The following LAMA3 variants were observed in gnomAD, a reference collection of about 807,000 sequenced individuals.
The protein encoded by LAMA3 is laminin subunit alpha-3.
In LAMA3, 281 loss-of-function variants were observed where a neutral mutation model predicts 402.0. The ratio of observed to expected loss-of-function variants is 0.70; its 90% CI spans 0.63 to 0.77. LAMA3 has a LOEUF of 0.77. LAMA3 is among the 30% of genes least tolerant of loss of function. The pLI is 0.00. For missense variants in LAMA3, 3,840 were observed against 4,215.5 expected, an observed-to-expected ratio of 0.91 and a Z score of 2.47; for synonymous variants, 1,431 against 1,558.4, an observed-to-expected ratio of 0.92 and a Z score of 1.93.
At chr18:23,813,200 A>C in intron 14 of LAMA3, 97 bp downstream of exon 14, 1 of 845,422 alleles carries the variant, frequency 1.2e-6, no homozygotes, top group Non-Finnish European at 2.0e-6. Flanking sequence ...AATTAAAATA[A>C]GACCCAAGGC....
intron 50 of LAMA3, 147 bp from the exon 51 acceptor site, chr18:23,904,406 C>A: frequency 1.0e-6 from 1 of 953,290 alleles, no homozygotes; most frequent in Non-Finnish European, 1.6e-6. Context: ...GAGACTCTGC[C>A]ATCTCTTTAT....
intron 2 of LAMA3, among the ~76,000 whole-genome samples, chr18:23,735,205 C>A (rs147252741): frequency 1.3e-5 from 2 of 152,300 alleles, no homozygotes; most frequent in Non-Finnish European, 2.9e-5. Flanking sequence ...CTACCCTGAA[C>A]CAAAGGTGGC....
intron 34 of LAMA3, among the ~76,000 whole-genome samples, chr18:23,860,806 G>A (rs987684071): frequency 3.0e-4 from 45 of 148,632 alleles, no homozygotes; most frequent in African/African-American, 1.1e-3. Flanking sequence ...CGATTCTTCT[G>A]CCTCAGGCTC....
In LAMA3 at chr18:23,714,153, T is replaced by TA. The variant is rs34200895; in HGVS notation, c.447+91dup. Reference sequence around the variant, plus strand: ...GGGATTTCTGATATAATAATTATTGTAAAAAAAAAACAAACTTCAGTTTTA... The same window carrying TA: ...GGGATTTCTGATATAATAATTATTGTAAAAAAAAAAACAAACTTCAGTTTTA... On this transcript the variant is annotated intron_variant, in intron 2 of 74. Coordinates refer to ENST00000313654, the MANE Select transcript of LAMA3 (RefSeq NM_198129.4). 2,307 of 1,173,922 alleles carry TA rather than the reference T, an allele frequency of 2.0e-3. 1 individual carries two copies. The highest frequency in any genetic ancestry group is 3.6e-3 in the East Asian group (133 of 36,798). The allele number at this position is 1,173,922 out of a possible 1,614,324, so 72.7% of individuals were successfully genotyped here.
chr18:23,942,033 C>A (rs2082539795), intron 68 of LAMA3, among the ~76,000 whole-genome samples: 2 of 152,128 alleles, frequency 1.3e-5, no homozygotes, highest in South Asian at 2.1e-4. Context: ...AAGAACATTG[C>A]CCTCAAGGAA....
intron 55 of LAMA3, 137 bp downstream of exon 55, chr18:23,909,432 TA>T (rs2081360779): frequency 1.2e-6 from 1 of 813,134 alleles, no homozygotes; most frequent in Non-Finnish European, 2.1e-6. Flanking sequence ...TGCTTGAATA[TA>T]AAGATTGATT....
At chr18:23,946,071 CTAATATT>C (rs1246192924) in intron 69 of LAMA3, 66 bp from the exon 70 acceptor site, 1 of 1,441,798 alleles carries the variant, frequency 6.9e-7, no homozygotes, top group Non-Finnish European at 9.8e-7. Flanking sequence ...AATTTGGCCA[CTAATATT>C]TAATAAAATA....
At chr18:23,716,168 T>G (rs1417116707) in intron 2 of LAMA3, among the ~76,000 whole-genome samples, 1 of 152,178 alleles carries the variant, frequency 6.6e-6, no homozygotes, top group East Asian at 1.9e-4. Flanking sequence ...TATCGATTTT[T>G]TTTTTTTTAG....
Position 23,813,647 on chromosome 18 carries a change from A to T in LAMA3, c.1788+544A>T, listed in dbSNP as rs560332382. Reference sequence around the variant, plus strand: ...CAACCTCCGCCTCCTGGGTCAAGCGATTCTTGTGCCTCAGCCTCCGAGTAA... The same window carrying T: ...CAACCTCCGCCTCCTGGGTCAAGCGTTTCTTGTGCCTCAGCCTCCGAGTAA... On this transcript the variant is annotated intron_variant, in intron 14 of 74. Transcript: ENST00000313654. 9.1e-5 allele frequency among the ~76,000 whole-genome samples: 13 copies of T among 142,432 alleles called. No homozygotes were observed. In the South Asian group the frequency reaches 2.8e-3, roughly 31 times the overall value. The allele number at this position is 142,432 out of a possible 152,430, so 93.4% of individuals were successfully genotyped here. A position where few individuals can be genotyped will look rare whatever the true frequency, so the allele number is the denominator to read the frequency against.
Position 23,946,204 on chromosome 18 carries a change from G to C in LAMA3, c.9271G>C (p.Glu3091Gln). The C allele has an allele frequency of 6.2e-7, 1 of 1,614,106 alleles. No homozygotes were observed. The highest frequency in any genetic ancestry group is 8.5e-7 in the Non-Finnish European group (1 of 1,179,986). ...GGTTGTGGATGGACTGAGGGCCCGGGAGGGAAGTTTGCCTGGAAACTCCAC... is the reference window on the plus strand; with the variant it reads ...GGTTGTGGATGGACTGAGGGCCCGGCAGGGAAGTTTGCCTGGAAACTCCAC... ...RLVVDGLRAREGSLPGNSTIS... is the reference protein window; with the variant it reads ...RLVVDGLRARQGSLPGNSTIS... The change falls in exon 70 of 75, where the codon GAG becomes CAG. Residue 3091 changes from glutamate (E) to glutamine (Q), a missense_variant. Transcript: ENST00000313654.
At chr18:23,950,540 C>T (rs2082871736) in intron 72 of LAMA3, among the ~76,000 whole-genome samples, 1 of 152,200 alleles carries the variant, frequency 6.6e-6, no homozygotes, top group Non-Finnish European at 1.5e-5. Flanking sequence ...TTCTTCATCT[C>T]TGCAGCCTCA....
At chr18:23,876,658 C>T (rs993951010) in intron 39 of LAMA3, among the ~76,000 whole-genome samples, 1 of 152,206 alleles carries the variant, frequency 6.6e-6, no homozygotes, top group Non-Finnish European at 1.5e-5. Context: ...TAAATCTCTC[C>T]TTCGTGAAAT....
intron 68 of LAMA3, among the ~76,000 whole-genome samples, chr18:23,943,092 TCTC>T (rs1450678406): frequency 6.6e-5 from 10 of 152,172 alleles, no homozygotes; most frequent in Admixed American, 3.3e-4. Flanking sequence ...GTCCCCTACT[TCTC>T]CTACGACTTC....
At position 23,858,722 on chromosome 18, in the gene LAMA3, C is replaced by G; in HGVS notation, c.4315C>G (p.Arg1439Gly). Residue 1439 changes from arginine (R) to glycine (G), a missense_variant, in exon 34 of 75, where the codon CGA (arginine) becomes GGA (glycine). This residue lies in a region of LAMA3 where 2,109 missense variants were observed against 2,376.0 expected (regional missense o/e 0.89). Transcript: ENST00000313654. Reference sequence around the variant, plus strand: ...AGAAGGCACAGAGTGTAATGTGTGTCGAGAAGGCTCATTCCATTTGGACCC... The same window carrying G: ...AGAAGGCACAGAGTGTAATGTGTGTGGAGAAGGCTCATTCCATTTGGACCC... ...NVEGTECNVC[R>G]EGSFHLDPAN... The G allele has an allele frequency of 6.2e-7, 1 of 1,614,054 alleles. No homozygotes were observed. The highest frequency in any genetic ancestry group is 1.7e-5 in the Admixed American group (1 of 60,014).
intron 40 of LAMA3, among the ~76,000 whole-genome samples, chr18:23,883,063 T>C (rs1353726705): frequency 6.6e-6 from 1 of 152,160 alleles, no homozygotes; most frequent in Non-Finnish European, 1.5e-5. Context: ...GGAAAAGGCC[T>C]GTGACAATGT....
intron 32 of LAMA3, among the ~76,000 whole-genome samples, chr18:23,854,544 G>A (rs1432372586): frequency 6.6e-6 from 1 of 152,034 alleles, no homozygotes; most frequent in Non-Finnish European, 1.5e-5. Flanking sequence ...GGGAGGCTGA[G>A]GCAGGAGAAT....
At chr18:23,819,719 C>A in intron 18 of LAMA3, 122 bp from the exon 19 acceptor site, 1 of 870,810 alleles carries the variant, frequency 1.1e-6, no homozygotes, top group South Asian at 1.4e-5. Context: ...CTCATTTGTC[C>A]TTTATTTAAT....
intron 19 of LAMA3, among the ~76,000 whole-genome samples, chr18:23,820,463 G>A (rs930070304): frequency 2.6e-5 from 4 of 152,086 alleles, no homozygotes; most frequent in Non-Finnish European, 5.9e-5. Flanking sequence ...TGCTATGTAC[G>A]TGGAAACTAA....
intron 2 of LAMA3, among the ~76,000 whole-genome samples, chr18:23,735,863 G>A (rs2061466009): frequency 2.0e-5 from 3 of 152,046 alleles, no homozygotes; most frequent in Admixed American, 2.0e-4. Context: ...ACCCTGAGCA[G>A]AGAAGAGCCA....
Sources: gnomAD v4.1 joint callset for allele counts (sites outside exome capture counted in the v4.1 genomes callset) on GRCh38, gnomAD v4.1.1 for gene constraint, gnomAD v4.1.1 regional missense constraint, MANE v1.5 for transcripts, NCBI Gene and HGNC (gene_info 2026-07-23, HGNC 2026-07-21) for gene names.